Variants in DAB1 observed in about 807,000 individuals in gnomAD.
DAB1 encodes disabled homolog 1.
In DAB1, 15 loss-of-function variants were observed where a neutral mutation model predicts 64.6. The ratio of observed to expected loss-of-function variants is 0.23; its 90% CI spans 0.16 to 0.36. The LOEUF (loss-of-function observed/expected upper bound fraction) is 0.36, where lower values mean the gene tolerates loss of function less well. Among genes scored for constraint, DAB1 ranks in the 10% least tolerant of loss-of-function variants. The pLI, the probability that DAB1 is intolerant of heterozygous loss-of-function variation, is 1.00. For synonymous variants in DAB1, 235 were observed against 251.9 expected, an observed-to-expected ratio of 0.93 and a Z score of 0.64; for missense variants, 596 against 706.7, an observed-to-expected ratio of 0.84 and a Z score of 1.78.
intron 5 of DAB1, among the ~76,000 whole-genome samples, chr1:58,122,129 T>C (rs759328889): frequency 6.6e-6 from 1 of 152,216 alleles, no homozygotes; most frequent in African/African-American, 2.4e-5. Flanking sequence ...AACTGTTTAT[T>C]GTACCATACC....
At chr1:57,790,194 C>A (rs774373123) in intron 6 of DAB1, among the ~76,000 whole-genome samples, 5 of 152,158 alleles carry the variant, frequency 3.3e-5, no homozygotes, top group Non-Finnish European at 7.3e-5. Context: ...ATAACCCCCA[C>A]AGTGTCATGG....
chr1:57,461,324 G>T (rs996984881), intron 7 of DAB1, among the ~76,000 whole-genome samples: 2 of 152,128 alleles, frequency 1.3e-5, no homozygotes, highest in African/African-American at 4.8e-5. Context: ...GTGATGCTCC[G>T]TTTTAATGCT....
chr1:57,326,950 A>ATTTG (rs3042919), intron 1 of DAB1, among the ~76,000 whole-genome samples: 1 of 145,086 alleles, frequency 6.9e-6, no homozygotes. Flanking sequence ...TTATTTATTT[A>ATTTG]TTTTTTGAGA....
At chr1:57,405,259 T>G (rs893336689) in intron 1 of DAB1, among the ~76,000 whole-genome samples, 1 of 152,168 alleles carries the variant, frequency 6.6e-6, no homozygotes, top group Non-Finnish European at 1.5e-5. Flanking sequence ...GCTTGTGCCA[T>G]GTAACAGAAG....
intron 5 of DAB1, among the ~76,000 whole-genome samples, chr1:58,036,027 CTGGGGTGGGGCT>C (rs1274188100): frequency 2.0e-5 from 3 of 152,114 alleles, no homozygotes; most frequent in African/African-American, 7.2e-5. Flanking sequence ...CCCACTTAGC[CTGGGGTGGGGCT>C]ATAGGAATGA....
chr1:57,156,218 A>G (rs928133635), intron 2 of DAB1, among the ~76,000 whole-genome samples: 9 of 152,128 alleles, frequency 5.9e-5, no homozygotes, highest in Non-Finnish European at 1.2e-4. Flanking sequence ...CTCATCATGC[A>G]CTATCTGACC....
At chr1:57,948,546 C>T (rs80235093) in intron 5 of DAB1, among the ~76,000 whole-genome samples, 1,719 of 152,286 alleles carry the variant, frequency 0.011, 33 homozygotes, top group African/African-American at 0.04. Context: ...TCAACCAATG[C>T]GTTTTGAGTC....
rs566684520 is a variant in DAB1, at chr1:57,794,776, G to A, written n.551+89223C>T. 2.6e-5 allele frequency among the ~76,000 whole-genome samples: 4 copies of A among 152,258 alleles called. No individual in the cohort carries two copies. In the South Asian group the frequency reaches 8.3e-4, roughly 32 times the overall value. ...GCACAATGTCTGGCTCCTTGCAGGT[G>A]TTCAAAAATATTTGTTGCTTTAATG... is the stretch of plus-strand genomic sequence containing the variant. On this transcript the variant is annotated intron_variant and non_coding_transcript_variant, in intron 6 of 20. Coordinates refer to the DAB1 transcript ENST00000485760.
rs184668062 is a variant in DAB1 at position 57,459,475 on chromosome 1, T to C, written n.626-168309A>G. Among the ~76,000 whole-genome samples, 11 of 152,348 alleles carry C rather than the reference T, an allele frequency of 7.2e-5. No homozygotes were observed. In the East Asian group the frequency reaches 1.9e-3, roughly 27 times the overall value. On this transcript the variant is annotated intron_variant and non_coding_transcript_variant, in intron 7 of 20. Coordinates refer to the DAB1 transcript ENST00000485760. ...ATTGTAAGTATTGTGTATAAGAGTA[T>C]GCATGAGCATTTTTATGGCTTTTGG...
intron 4 of DAB1, among the ~76,000 whole-genome samples, chr1:58,235,669 C>T (rs943478323): frequency 6.6e-6 from 1 of 152,172 alleles, no homozygotes; most frequent in African/African-American, 2.4e-5. Flanking sequence ...CAGGGTATCA[C>T]AAGAGACCCA....
chr1:57,602,256 G>A (rs1645583667), intron 7 of DAB1, among the ~76,000 whole-genome samples: 2 of 152,030 alleles, frequency 1.3e-5, no homozygotes, highest in Non-Finnish European at 2.9e-5. Flanking sequence ...CCACATTTCT[G>A]TATCTGGCAT....
intron 7 of DAB1, among the ~76,000 whole-genome samples, chr1:57,495,402 T>G (rs1180892244): frequency 6.6e-6 from 1 of 152,224 alleles, no homozygotes; most frequent in Non-Finnish European, 1.5e-5. Flanking sequence ...TGGGCTTTTC[T>G]GAGTGCAAAT....
chr1:58,180,138 A>G (rs1034840473), intron 4 of DAB1, among the ~76,000 whole-genome samples: 1 of 151,822 alleles, frequency 6.6e-6, no homozygotes, highest in Non-Finnish European at 1.5e-5. Context: ...ATCCTGGAAA[A>G]AATCCCCCAC....
intron 5 of DAB1, among the ~76,000 whole-genome samples, chr1:57,967,870 G>A (rs908234096): frequency 3.3e-5 from 5 of 152,098 alleles, no homozygotes; most frequent in African/African-American, 1.2e-4. Context: ...ATGTAATTTT[G>A]GATTTCAGCT....
intron 7 of DAB1, among the ~76,000 whole-genome samples, chr1:57,491,571 C>T (rs72676925): frequency 1.3e-5 from 2 of 152,186 alleles, no homozygotes; most frequent in Non-Finnish European, 2.9e-5. Flanking sequence ...GAGCTGAAGT[C>T]AAGCAAAATG....
intron 2 of DAB1, among the ~76,000 whole-genome samples, chr1:57,172,751 G>C (rs1661907077): frequency 6.6e-6 from 1 of 152,110 alleles, no homozygotes; most frequent in African/African-American, 2.4e-5. Context: ...ATTACCACAA[G>C]GACAGTATGA....
At chr1:57,059,872 A>C (rs187665687) in intron 9 of DAB1, among the ~76,000 whole-genome samples, 13 of 152,118 alleles carry the variant, frequency 8.5e-5, no homozygotes, top group Non-Finnish European at 1.8e-4. Context: ...TTTACTTCTT[A>C]CCTCTCTTAG....
At chr1:57,612,853 C>T (rs971092053) in intron 7 of DAB1, among the ~76,000 whole-genome samples, 8 of 151,994 alleles carry the variant, frequency 5.3e-5, no homozygotes, top group Non-Finnish European at 7.4e-5. Flanking sequence ...TAGAATAGTG[C>T]TTAGATCATA....
chr1:57,393,647 G>A (rs2101009241), intron 1 of DAB1, among the ~76,000 whole-genome samples: 1 of 152,298 alleles, frequency 6.6e-6, no homozygotes, highest in Middle Eastern at 3.4e-3. Flanking sequence ...GTGATACAGT[G>A]AGACCCCTTC....
Sources: gnomAD v4.1 joint callset for allele counts (sites outside exome capture counted in the v4.1 genomes callset) on GRCh38, gnomAD v4.1.1 for gene constraint, MANE v1.5 for transcripts, NCBI Gene and HGNC (gene_info 2026-07-23, HGNC 2026-07-21) for gene names.